The following PREX2 variants were observed in gnomAD, a reference collection of about 807,000 sequenced individuals.
PREX2 encodes the protein phosphatidylinositol-3,4,5-trisphosphate dependent Rac exchange factor 2.
PREX2 carries 107 observed loss-of-function variants against 203.2 expected under a neutral mutation model. That is an observed-to-expected ratio of 0.53 (90% CI 0.45 to 0.62). The LOEUF (loss-of-function observed/expected upper bound fraction) is 0.62. PREX2 is among the 20% of genes least tolerant of loss of function. PREX2 has a pLI of 0.00. For missense variants in PREX2, 1,777 were observed against 1,955.9 expected (o/e 0.91, Z 1.72); for synonymous variants, 672 against 663.6 (o/e 1.01, Z -0.19).
rs1813245597 is a variant in PREX2, at chr8:68,235,319, A to G, written c.*3941A>G. 6.6e-6 allele frequency: 1 copy of G among 152,086 alleles called. No individual in the cohort carries two copies. Among genetic ancestry groups the G allele is most frequent in the African/African-American group, 2.4e-5 (1 of 41,434 alleles). 9.4% of individuals were successfully genotyped at this position (152,086 alleles called of 1,614,324 possible). On this transcript the variant is annotated 3_prime_UTR_variant, in exon 40 of 40. Transcript: ENST00000288368. ...TTATGCACTAGTGGTATTGAAACTA[A>G]CCTTTAATATTTGACTAAATTGCTT...
chr8:68,042,184 C>G (rs566892041), intron 7 of PREX2, among the ~76,000 whole-genome samples: 4 of 152,030 alleles, frequency 2.6e-5, no homozygotes, highest in Middle Eastern at 3.4e-3. Context: ...TTACAAACTT[C>G]CATAATGTTG....
At chr8:68,224,483 T>C (rs541615277) in intron 38 of PREX2, 76 bp from the exon 39 acceptor site, 2 of 1,122,984 alleles carry the variant, frequency 1.8e-6, no homozygotes, top group African/African-American at 1.5e-5. Flanking sequence ...ATAAGTATCC[T>C]ACACACAAAT....
intron 30 of PREX2, among the ~76,000 whole-genome samples, chr8:68,126,091 A>G (rs1810880014): frequency 6.6e-6 from 1 of 152,146 alleles, no homozygotes; most frequent in Non-Finnish European, 1.5e-5. Flanking sequence ...TTAATGATAT[A>G]ATAAAATCTC....
intron 4 of PREX2, among the ~76,000 whole-genome samples, chr8:68,023,940 C>T (rs1394569110): frequency 4.0e-5 from 6 of 151,796 alleles, no homozygotes; most frequent in African/African-American, 1.2e-4. Context: ...TCTTCTTTTC[C>T]ATTGTGGATA....
At chr8:67,961,130 A>C (rs1805622631) in intron 1 of PREX2, among the ~76,000 whole-genome samples, 1 of 151,914 alleles carries the variant, frequency 6.6e-6, no homozygotes. Context: ...TTTCCTCAGC[A>C]CTTGTTTTAA....
chr8:68,051,171 C>T (rs1585739031), intron 8 of PREX2, among the ~76,000 whole-genome samples: 2 of 152,140 alleles, frequency 1.3e-5, no homozygotes, highest in East Asian at 3.9e-4. Flanking sequence ...CCGGGGTACA[C>T]TTATGCGGTG....
intron 11 of PREX2, among the ~76,000 whole-genome samples, chr8:68,067,281 A>G (rs1320998019): frequency 6.6e-6 from 1 of 152,122 alleles, no homozygotes; most frequent in Non-Finnish European, 1.5e-5. Flanking sequence ...CTTGATAGAA[A>G]TCACATTGAA....
At chr8:68,196,777 T>G (rs1467022441) in intron 37 of PREX2, among the ~76,000 whole-genome samples, 1 of 151,856 alleles carries the variant, frequency 6.6e-6, no homozygotes, top group Non-Finnish European at 1.5e-5. Context: ...AGGCGCCTGC[T>G]TCCCCTTCAC....
Position 68,120,249 on chromosome 8 carries a change from C to G in PREX2, c.3558C>G (p.Asp1186Glu), listed in dbSNP as rs1243563721. The G allele has an allele frequency of 6.2e-7, 1 of 1,613,630 alleles. No individual in the cohort carries two copies. Among genetic ancestry groups the G allele is most frequent in the Non-Finnish European group, 8.5e-7 (1 of 1,179,754 alleles). Reference protein sequence around the residue: ...LKGQAVVRAFDQTKYLTPGRG... With the variant: ...LKGQAVVRAFEQTKYLTPGRG... Reference sequence around the variant, plus strand: ...GGCAGGCTGTTGTGAGGGCCTTTGACCAAACCAAGTATCTCACTCCAGGCC... The same window carrying G: ...GGCAGGCTGTTGTGAGGGCCTTTGAGCAAACCAAGTATCTCACTCCAGGCC... The change falls in exon 29 of 40, where the codon GAC becomes GAG. Residue 1186 changes from aspartate (D) to glutamate (E), a missense_variant. Asp to Glu is a conservative substitution (Grantham distance 45). Coordinates refer to ENST00000288368, the MANE Select transcript of PREX2 (RefSeq NM_024870.4).
At chr8:67,960,032 CTTTTT>C (rs1018003457) in intron 1 of PREX2, among the ~76,000 whole-genome samples, 4 of 142,974 alleles carry the variant, frequency 2.8e-5, no homozygotes, top group Non-Finnish European at 6.2e-5. Flanking sequence ...CTTTTCTTTT[CTTTTT>C]AATTAATTAA....
intron 37 of PREX2, among the ~76,000 whole-genome samples, chr8:68,199,621 G>C (rs1171456415): frequency 6.6e-6 from 1 of 152,114 alleles, no homozygotes; most frequent in Admixed American, 6.5e-5. Context: ...TATGGTTAAT[G>C]GAACAGTTTT....
chr8:68,090,761 A>G (rs571218509), intron 20 of PREX2, 46 bp downstream of exon 20: 1 of 1,550,446 alleles, frequency 6.4e-7, no homozygotes, highest in African/African-American at 1.6e-5. Flanking sequence ...CTACTTGCAT[A>G]AAGACCTAAG....
intron 35 of PREX2, among the ~76,000 whole-genome samples, chr8:68,164,842 A>C (rs1811728435): frequency 6.6e-6 from 1 of 150,778 alleles, no homozygotes; most frequent in South Asian, 2.1e-4. Flanking sequence ...TTGGCCTCCC[A>C]AAATTCTGGG....
chr8:68,138,445 C>T lies in PREX2; in HGVS notation c.4015C>T (p.Leu1339=), dbSNP rs747763086. 3.7e-6 allele frequency: 6 copies of T among 1,602,630 alleles called. No individual in the cohort carries two copies. Among genetic ancestry groups the T allele is most frequent in the Non-Finnish European group, 5.1e-6 (6 of 1,172,984 alleles). The part of the protein sequence containing the change: ...TDEQAMLEDT[L]VALFDLEKVS... Reference sequence around the variant, plus strand: ...TGAACAAGCCATGTTAGAAGATACACTGGTTGCACTATTTGATTTGGAAAA... The same window carrying T: ...TGAACAAGCCATGTTAGAAGATACATTGGTTGCACTATTTGATTTGGAAAA... The change falls in exon 33 of 40, where the codon CTG becomes TTG. Residue 1339 remains leucine, a synonymous_variant. Coordinates refer to ENST00000288368, the MANE Select transcript of PREX2 (RefSeq NM_024870.4).
At chr8:67,970,829 A>G (rs1215495188) in intron 1 of PREX2, among the ~76,000 whole-genome samples, 2 of 152,184 alleles carry the variant, frequency 1.3e-5, no homozygotes. Flanking sequence ...CCACCTGCTA[A>G]CATAGCAGCA....
At chr8:68,174,960 T>G (rs1239842739) in intron 35 of PREX2, among the ~76,000 whole-genome samples, 1 of 152,230 alleles carries the variant, frequency 6.6e-6, no homozygotes, top group African/African-American at 2.4e-5. Flanking sequence ...AGCGCAGGAA[T>G]GTGCACAGCA....
chr8:68,120,286 G>A lies in PREX2; in HGVS notation c.3595G>A (p.Glu1199Lys). Residue 1199 changes from glutamate (E) to lysine (K), a missense_variant and splice_region_variant, in exon 29 of 40, where the codon GAA (glutamate) becomes AAA (lysine). By Grantham distance (56) the Glu-to-Lys change is moderately conservative (BLOSUM62 1). Coordinates refer to ENST00000288368, the MANE Select transcript of PREX2 (RefSeq NM_024870.4). ...TCTCACTCCAGGCCGAGGATTGCAA[G>A]GTAAGCCTTGAAAAATTAACTAGTA... The part of the protein sequence containing the change: ...KYLTPGRGLQ[E>K]FQQEMEPKLS... 1 of 1,611,442 alleles carries A rather than the reference G, an allele frequency of 6.2e-7. No homozygotes were observed. Among genetic ancestry groups the A allele is most frequent in the Non-Finnish European group, 8.5e-7 (1 of 1,177,740 alleles).
intron 37 of PREX2, among the ~76,000 whole-genome samples, chr8:68,209,088 A>AAAAGAAAG (rs1373641140): frequency 6.6e-6 from 1 of 150,954 alleles, no homozygotes; most frequent in African/African-American, 2.4e-5. Flanking sequence ...AAAAAAAAAA[A>AAAAGAAAG]AAGAAAGAAA....
intron 37 of PREX2, among the ~76,000 whole-genome samples, chr8:68,206,332 T>C (rs2015613): frequency 0.29 from 43,787 of 152,052 alleles, 8,906 homozygotes; most frequent in East Asian, 0.71. Context: ...AATGTTCAGT[T>C]GAAATCTGTG....
Sources: allele counts gnomAD v4.1 joint callset (sites outside exome capture counted in the v4.1 genomes callset), GRCh38; gene constraint gnomAD v4.1.1; transcripts MANE v1.5; gene names NCBI Gene and HGNC (gene_info 2026-07-23, HGNC 2026-07-21).